The following SMYD5 variants were observed in gnomAD, a reference collection of about 807,000 sequenced individuals.
SMYD5 encodes the protein SMYD family member 5, also known as protein-lysine N-trimethyltransferase SMYD5.
In SMYD5, 35 loss-of-function variants were observed where a neutral mutation model predicts 57.4. The ratio of observed to expected loss-of-function variants is 0.61; its 90% CI spans 0.47 to 0.81. The LOEUF (loss-of-function observed/expected upper bound fraction) is 0.81. Ranked by LOEUF, SMYD5 falls within the 30% of genes least tolerant of loss-of-function variation. The probability of loss-of-function intolerance (pLI) is 0.00; values close to 1 mark genes in which losing one functional copy is unlikely to be tolerated. For missense variants in SMYD5, 471 were observed against 527.9 expected, an observed-to-expected ratio of 0.89 and a Z score of 1.06; for synonymous variants, 198 against 189.7, an observed-to-expected ratio of 1.04 and a Z score of -0.36.
intron 3 of SMYD5, 78 bp downstream of exon 3, chr2:73,220,268 G>A (rs1490159772): frequency 8.6e-6 from 13 of 1,513,062 alleles, no homozygotes; most frequent in East Asian, 2.3e-5. Context: ...GGGGAGACAG[G>A]AGCAGCGACA....
At chr2:73,217,702 G>T (rs1033817611) in intron 1 of SMYD5, among the ~76,000 whole-genome samples, 3 of 152,164 alleles carry the variant, frequency 2.0e-5, no homozygotes, top group African/African-American at 7.2e-5. Flanking sequence ...AGGAGGCAGG[G>T]AGCTACCTGG....
chr2:73,222,634 G>A (rs914652640), intron 6 of SMYD5, 121 bp from the exon 7 acceptor site: 41 of 754,910 alleles, frequency 5.4e-5, no homozygotes, highest in African/African-American at 1.1e-4. Flanking sequence ...TTGCCCCTAC[G>A]GAAAGCTCAG....
At position 73,225,335 on chromosome 2, in the gene SMYD5, G is replaced by A. The variant is rs923304469; in HGVS notation, c.1036-296G>A. 5 of 522,020 alleles carry A rather than the reference G, an allele frequency of 9.6e-6. No individual in the cohort carries two copies. In the Admixed American group the frequency reaches 1.5e-4, roughly 15 times the overall value. The allele number at this position is 522,020 out of a possible 1,614,324, so 32.3% of individuals were successfully genotyped here. On this transcript the variant is annotated intron_variant, in intron 11 of 12. Coordinates refer to ENST00000389501, the MANE Select transcript of SMYD5 (RefSeq NM_006062.3). ...GGTTGAATCTTCTTGAGGGCAAGTAGCATCATACCAAGACCTCTGATCCCA... is the reference window on the plus strand; with the variant it reads ...GGTTGAATCTTCTTGAGGGCAAGTAACATCATACCAAGACCTCTGATCCCA...
At chr2:73,215,772 A>C (rs115661661) in intron 1 of SMYD5, among the ~76,000 whole-genome samples, 121 of 152,202 alleles carry the variant, frequency 7.9e-4, no homozygotes, top group African/African-American at 2.9e-3. Context: ...CCTTGCCTAC[A>C]TCTGATCTGC....
At chr2:73,223,896 T>A in intron 9 of SMYD5, 51 bp from the exon 10 acceptor site, 1 of 1,569,292 alleles carries the variant, frequency 6.4e-7, no homozygotes. Flanking sequence ...CGTTTCCTTT[T>A]CCTGCCTTTA....
In SMYD5 at chr2:73,220,116, C is replaced by A; in HGVS notation, c.271C>A (p.Pro91Thr). 1.2e-6 allele frequency: 2 copies of A among 1,614,178 alleles called. No homozygotes were observed. The highest frequency in any genetic ancestry group is 1.7e-6 in the Non-Finnish European group (2 of 1,180,030). The change falls in exon 3 of 13, where the codon CCA becomes ACA. Residue 91 changes from proline to threonine, a missense_variant. Coordinates refer to ENST00000389501, the MANE Select transcript of SMYD5 (RefSeq NM_006062.3). ...EENAQRLTGK[P>T]GQVLPHPELC... ...GAATGCCCAGAGGCTGACCGGGAAACCAGGCCAGGTTCTGCCTCACCCAGA... is the reference window on the plus strand; with the variant it reads ...GAATGCCCAGAGGCTGACCGGGAAAACAGGCCAGGTTCTGCCTCACCCAGA...
rs1032718609 is a variant in SMYD5 at position 73,226,007 on chromosome 2, C to A, written c.*61C>A. On this transcript the variant is annotated 3_prime_UTR_variant, in exon 13 of 13. Coordinates refer to ENST00000389501, the MANE Select transcript of SMYD5 (RefSeq NM_006062.3). ...CTGCCAGAAAAGGGGGCTCTTCCCC[C>A]AGAGAAGTGGCTTGGAGGGAACTTC... 4.5e-5 allele frequency: 69 copies of A among 1,530,680 alleles called. No individual in the cohort carries two copies. Among genetic ancestry groups the A allele is most frequent in the Non-Finnish European group, 1.1e-5 (12 of 1,139,584 alleles). 94.8% of individuals were successfully genotyped at this position (1,530,680 alleles called of 1,614,324 possible).
At chr2:73,216,416 C>T (rs920866203) in intron 1 of SMYD5, among the ~76,000 whole-genome samples, 15 of 152,168 alleles carry the variant, frequency 9.9e-5, no homozygotes, top group African/African-American at 3.4e-4. Flanking sequence ...TTAGGCCTGG[C>T]GTGGTGGCTC....
At chr2:73,214,395 T>C in intron 1 of SMYD5, 33 bp downstream of exon 1, 1 of 1,611,804 alleles carries the variant, frequency 6.2e-7, no homozygotes, top group South Asian at 1.1e-5. Flanking sequence ...CGGGAGCCTC[T>C]CCCCAGTCCG....
At position 73,224,898 on chromosome 2, in the gene SMYD5, T is replaced by C; in HGVS notation, c.973T>C (p.Ser325Pro). ...CAGTTGTGTGCCCAATGCAGAGACC[T>C]CCTTTCCAGAAAACAACTTCCTTTT... ...NHSCVPNAET[S>P]FPENNFLLHV... The change falls in exon 11 of 13, where the codon TCC (serine) becomes CCC (proline). Residue 325 changes from serine (S) to proline (P), a missense_variant. Ser to Pro is a moderately conservative substitution (Grantham distance 74). Transcript: ENST00000389501. 6.2e-7 allele frequency: 1 copy of C among 1,614,052 alleles called. No individual in the cohort carries two copies. Among genetic ancestry groups the C allele is most frequent in the Non-Finnish European group, 8.5e-7 (1 of 1,179,944 alleles).
intron 10 of SMYD5, 115 bp downstream of exon 10, chr2:73,224,118 C>A: frequency 1.1e-6 from 1 of 916,278 alleles, no homozygotes; most frequent in Non-Finnish European, 1.8e-6. Flanking sequence ...AGGGTTGAGT[C>A]TGGGAGCCCC....
rs367690227 is a variant in SMYD5, at chr2:73,214,255, G to A, written c.-12G>A. ...GCGGGGTTAAGGGTCATAAGGCGGA[G>A]GCGCGCCCAAGATGGCGGCCTCCAT... On this transcript the variant is annotated 5_prime_UTR_variant, in exon 1 of 13. Coordinates refer to ENST00000389501, the MANE Select transcript of SMYD5 (RefSeq NM_006062.3). 6.2e-7 allele frequency: 1 copy of A among 1,613,614 alleles called. No homozygotes were observed. Among genetic ancestry groups the A allele is most frequent in the South Asian group, 1.1e-5 (1 of 91,068 alleles).
intron 11 of SMYD5, 124 bp from the exon 12 acceptor site, chr2:73,225,507 G>T: frequency 1.1e-6 from 1 of 873,566 alleles, no homozygotes; most frequent in Non-Finnish European, 1.9e-6. Flanking sequence ...CCCCTTCACT[G>T]AAGGGCAACG....
At chr2:73,214,638 G>C (rs1258807043) in intron 1 of SMYD5, 1 of 1,501,202 alleles carries the variant, frequency 6.7e-7, no homozygotes, top group African/African-American at 1.4e-5. Flanking sequence ...CTCGGGGCGG[G>C]GCTAGGGGGC....
intron 8 of SMYD5, 25 bp from the exon 9 acceptor site, chr2:73,223,401 C>T: frequency 6.5e-7 from 1 of 1,546,034 alleles, no homozygotes; most frequent in Non-Finnish European, 8.9e-7. Context: ...GCCTCCCCAA[C>T]CATGGGCTGC....
chr2:73,223,170 A>G, intron 8 of SMYD5, 64 bp downstream of exon 8: 1 of 1,347,960 alleles, frequency 7.4e-7, no homozygotes, highest in Non-Finnish European at 1.1e-6. Flanking sequence ...AGGTAGCCAC[A>G]GTTCCTTTCA....
At chr2:73,218,772 T>G (rs1271474115) in intron 1 of SMYD5, 89 bp from the exon 2 acceptor site, 1 of 886,632 alleles carries the variant, frequency 1.1e-6, no homozygotes, top group East Asian at 2.5e-5. Context: ...GTGAGGCATG[T>G]GGGAGTGAGG....
Position 73,225,980 on chromosome 2 carries a change from C to T in SMYD5, c.*34C>T, listed in dbSNP as rs761601540. On this transcript the variant is annotated 3_prime_UTR_variant, in exon 13 of 13. Coordinates refer to ENST00000389501, the MANE Select transcript of SMYD5 (RefSeq NM_006062.3). ...TGCCCAGAAAGGGCCCTGCCCTAGACCCTGCCAGAAAAGGGGGCTCTTCCC... is the reference window on the plus strand; with the variant it reads ...TGCCCAGAAAGGGCCCTGCCCTAGATCCTGCCAGAAAAGGGGGCTCTTCCC... The T allele has an allele frequency of 1.3e-6, 2 of 1,575,744 alleles. No individual in the cohort carries two copies. Among genetic ancestry groups the T allele is most frequent in the Non-Finnish European group, 1.7e-6 (2 of 1,161,882 alleles).
chr2:73,223,605 T>C (rs1476174614), intron 9 of SMYD5, 73 bp downstream of exon 9: 6 of 1,047,350 alleles, frequency 5.7e-6, no homozygotes, highest in South Asian at 5.1e-5. Context: ...ACAAAGTCTT[T>C]CCCCAGGGTG....
Sources: gnomAD v4.1 joint callset for allele counts (sites outside exome capture counted in the v4.1 genomes callset) on GRCh38, gnomAD v4.1.1 for gene constraint, MANE v1.5 for transcripts, NCBI Gene and HGNC (gene_info 2026-07-23, HGNC 2026-07-21) for gene names.